The following DCTN1 variants were observed in gnomAD, a reference collection of about 807,000 sequenced individuals.
DCTN1 encodes the protein 150 kDa dynein-associated polypeptide.
Under a neutral mutation model 161.2 loss-of-function variants are expected in DCTN1, and 61 were observed. That is an observed-to-expected ratio of 0.38 (90% CI 0.31 to 0.47). DCTN1 has a LOEUF of 0.47. DCTN1 is among the 20% of genes least tolerant of loss of function. The pLI is 0.99. For missense variants in DCTN1, 1,404 were observed against 1,623.7 expected (o/e 0.86, Z 2.33); for synonymous variants, 653 against 632.4 (o/e 1.03, Z -0.49).
chr2:74,365,363 T>C, intron 25 of DCTN1, 122 bp from the exon 26 acceptor site: 1 of 1,554,092 alleles, frequency 6.4e-7, no homozygotes, highest in Non-Finnish European at 8.8e-7. Flanking sequence ...CAGCACAGGC[T>C]TAGGCTGGGG....
At chr2:74,361,734 T>C (rs1260130359) in intron 31 of DCTN1, 98 bp from the exon 32 acceptor site, 2 of 1,506,076 alleles carry the variant, frequency 1.3e-6, no homozygotes, top group Non-Finnish European at 1.8e-6. Flanking sequence ...AGGCAGCTCC[T>C]GGGTGACTAG....
chr2:74,381,227 G>A (rs1025136651), upstream of DCTN1, among the ~76,000 whole-genome samples: 5 of 152,150 alleles, frequency 3.3e-5, 1 homozygote, highest in Non-Finnish European at 7.3e-5. Flanking sequence ...AAAGACCAGG[G>A]TCCCTGCCCC....
intron 16 of DCTN1, 162 bp from the exon 17 acceptor site, chr2:74,368,293 A>G: frequency 1.1e-6 from 1 of 936,728 alleles, no homozygotes; most frequent in South Asian, 1.6e-5. Flanking sequence ...GCATGGGGAA[A>G]GGGTAGTGAT....
In DCTN1 at chr2:74,361,331, C is replaced by T. The variant is rs764549033; in HGVS notation, c.*168G>A. On this transcript the variant is annotated 3_prime_UTR_variant, in exon 32 of 32. Coordinates refer to ENST00000628224, the MANE Select transcript of DCTN1 (RefSeq NM_004082.5). ...GCCAGGGAATGGGAGTGGGGGAACC[C>T]GGGTCAAGGTGAAGGGGCAGGACGC... The T allele has an allele frequency of 3.1e-6, 3 of 958,944 alleles. No individual in the cohort carries two copies. Among genetic ancestry groups the T allele is most frequent in the South Asian group, 1.4e-5 (1 of 71,872 alleles). 59.4% of individuals were successfully genotyped at this position (958,944 alleles called of 1,614,324 possible).
intron 31 of DCTN1, 108 bp from the exon 32 acceptor site, chr2:74,361,744 G>C: frequency 1.4e-6 from 2 of 1,392,728 alleles, no homozygotes; most frequent in African/African-American, 2.8e-5. Flanking sequence ...TGGGTGACTA[G>C]GGCTTCTGAG....
Position 74,369,122 on chromosome 2 carries a change from A to T in DCTN1, c.1677T>A (p.Phe559Leu), listed in dbSNP as rs1466482197. Residue 559 changes from phenylalanine (F) to leucine (L), a missense_variant, in exon 15 of 32, where the codon TTT becomes TTA. By Grantham distance (22) the Phe-to-Leu change is conservative (BLOSUM62 0). Transcript: ENST00000628224. The surrounding 1 kb of genome is among the most constrained non-coding windows in gnomAD (Gnocchi z 4.9). Reference protein sequence around the residue: ...PPETFDFKIKFAETKAHAKAI... With the variant: ...PPETFDFKIKLAETKAHAKAI... Reference sequence around the variant, plus strand: ...CCTTGGCATGGGCCTTAGTCTCAGCAAACTTGATTTTGAAGTCAAAGGTCT... The same window carrying T: ...CCTTGGCATGGGCCTTAGTCTCAGCTAACTTGATTTTGAAGTCAAAGGTCT... 6.2e-7 allele frequency: 1 copy of T among 1,614,110 alleles called. No individual in the cohort carries two copies. Among genetic ancestry groups the T allele is most frequent in the Non-Finnish European group, 8.5e-7 (1 of 1,180,036 alleles).
Position 74,377,707 on chromosome 2 carries a change from C to T in DCTN1, c.299G>A (p.Gly100Glu). ...TGTCTCTGGGGAAGTAGTATCTGCTCCATCTTCAAATACCTGGATCTGAGG... is the reference window on the plus strand; with the variant it reads ...TGTCTCTGGGGAAGTAGTATCTGCTTCATCTTCAAATACCTGGATCTGAGG... ...RQSQIQVFED[G>E]ADTTSPETPD... Residue 100 changes from glycine (G) to glutamate (E), a missense_variant, in exon 3 of 32, where the codon GGA (glycine) becomes GAA (glutamate). This residue lies in a region of DCTN1 where 174 missense variants were observed against 175.6 expected (regional missense o/e 0.99). Transcript: ENST00000628224. 6.2e-7 allele frequency: 1 copy of T among 1,613,896 alleles called. No individual in the cohort carries two copies. The highest frequency in any genetic ancestry group is 1.3e-5 in the African/African-American group (1 of 74,964).
rs58901202 is a variant in DCTN1, at chr2:74,369,816, G to GAA, written c.1392+147_1392+148dup. 19,595 of 477,704 alleles carry GAA rather than the reference G, an allele frequency of 0.041. 5 individuals carry two copies. Among genetic ancestry groups the GAA allele is most frequent in the South Asian group, 0.062 (2,717 of 44,080 alleles). 29.6% of individuals were successfully genotyped at this position (477,704 alleles called of 1,614,324 possible). A position where few individuals can be genotyped will look rare whatever the true frequency, so the allele number is the denominator to read the frequency against. On this transcript the variant is annotated intron_variant, in intron 13 of 31. Transcript: ENST00000628224. This position sits in a 1 kb window ranked among gnomAD's most constrained non-coding sequence, Gnocchi z 4.9. ...GGCAACAGAGCGAGATTCCATCTCA[G>GAA]AAAAAAAAAAAAAAAAAAAAGGCAG...
At chr2:74,373,347 C>A (rs1159285063) in intron 6 of DCTN1, 3 of 327,566 alleles carry the variant, frequency 9.2e-6, no homozygotes, top group African/African-American at 6.4e-5. Context: ...GCCCAGCCAC[C>A]ACTCCCAAGG....
Position 74,368,709 on chromosome 2 carries a change from T to C in DCTN1, c.1854+19A>G. 6 of 1,614,224 alleles carry C rather than the reference T, an allele frequency of 3.7e-6. No homozygotes were observed. Among genetic ancestry groups the C allele is most frequent in the East Asian group, 2.2e-5 (1 of 44,882 alleles). ...AAGTTCACTAGATTTCTGTGGAACA[T>C]GTGATTGATTGGCCATACCTTGCAA... is the stretch of plus-strand genomic sequence containing the variant. On this transcript the variant is annotated intron_variant, in intron 16 of 31. Transcript: ENST00000628224.
chr2:74,383,031 C>T (rs1040513273), upstream of DCTN1, among the ~76,000 whole-genome samples: 25 of 151,146 alleles, frequency 1.7e-4, no homozygotes, highest in Non-Finnish European at 3.2e-4. Context: ...GCCGAGATTG[C>T]GCCACTGCAG....
Position 74,361,370 on chromosome 2 carries a change from G to C in DCTN1, c.*129C>G. On this transcript the variant is annotated 3_prime_UTR_variant, in exon 32 of 32. Coordinates refer to ENST00000628224, the MANE Select transcript of DCTN1 (RefSeq NM_004082.5). ...GGGGCAGGACGCTGAAAGGGTGGGA[G>C]TGAAGCTGAACGGGGCAGGAAGAGC... The C allele has an allele frequency of 7.5e-7, 1 of 1,332,772 alleles. No individual in the cohort carries two copies. The highest frequency in any genetic ancestry group is 1.2e-5 in the South Asian group (1 of 80,738). 82.6% of individuals were successfully genotyped at this position (1,332,772 alleles called of 1,614,324 possible).
upstream of DCTN1, among the ~76,000 whole-genome samples, chr2:74,382,794 C>T (rs116241113): frequency 0.011 from 1,663 of 152,066 alleles, 34 homozygotes; most frequent in African/African-American, 0.038. Context: ...ATGTGGAGGC[C>T]GGGCGCGGTG....
chr2:74,361,610 T>G lies in DCTN1; in HGVS notation c.3726A>C (p.Thr1242=). The stretch of plus-strand genomic sequence containing the variant: ...AGAAGGTCACTTTGCCCATGTAGAC[T>G]GTGTCATCCTGCTGCTCCTCCTTGG... ...LRAKEEQQDD[T]VYMGKVTFSC... is the part of the protein sequence containing the mutation. Residue 1242 remains threonine (T), a synonymous_variant, in exon 32 of 32, where the codon ACA becomes ACC. Transcript: ENST00000628224. 1 of 1,614,124 alleles carries G rather than the reference T, an allele frequency of 6.2e-7. No individual in the cohort carries two copies. Among genetic ancestry groups the G allele is most frequent in the Non-Finnish European group, 8.5e-7 (1 of 1,180,008 alleles).
At chr2:74,376,377 C>G (rs1444193167) in intron 5 of DCTN1, among the ~76,000 whole-genome samples, 1 of 152,236 alleles carries the variant, frequency 6.6e-6, no homozygotes, top group African/African-American at 2.4e-5. Context: ...CCCATTCCCC[C>G]AGTCTATCCT....
In DCTN1 at chr2:74,369,535, G is replaced by A. The variant is rs757349727; in HGVS notation, c.1393-44C>T. The A allele has an allele frequency of 6.3e-6, 10 of 1,595,702 alleles. No individual in the cohort carries two copies. Among genetic ancestry groups the A allele is most frequent in the Non-Finnish European group, 7.7e-6 (9 of 1,172,878 alleles). ...GTTTGGGCTAAAGAAAGGCAGGGTC[G>A]GCCAGCGGCGGTGGTTCACACCTGT... is the stretch of plus-strand genomic sequence containing the variant. On this transcript the variant is annotated intron_variant, in intron 13 of 31. Transcript: ENST00000628224. The surrounding 1 kb of genome is among the most constrained non-coding windows in gnomAD (Gnocchi z 4.9).
chr2:74,376,723 CA>C lies in DCTN1; in HGVS notation c.414+18del. ...CTCATGGCCCCCATCCACCCAGGCA[CA>C]AATAGTAAACACACCACCTTCTTAG... On this transcript the variant is annotated intron_variant, in intron 5 of 31. Coordinates refer to ENST00000628224, the MANE Select transcript of DCTN1 (RefSeq NM_004082.5). The C allele has an allele frequency of 1.9e-6, 3 of 1,601,636 alleles. No individual in the cohort carries two copies. In the East Asian group the frequency reaches 6.7e-5, roughly 36 times the overall value.
At chr2:74,382,070 C>T (rs1675533819), upstream of DCTN1, among the ~76,000 whole-genome samples, 1 of 152,120 alleles carries the variant, frequency 6.6e-6, no homozygotes, top group Admixed American at 6.5e-5. Context: ...TTCTACTACC[C>T]CTCACCATTA....
At chr2:74,377,927 G>GT in intron 2 of DCTN1, 73 bp downstream of exon 2, 1 of 1,601,048 alleles carries the variant, frequency 6.2e-7, no homozygotes, top group South Asian at 1.1e-5. Flanking sequence ...GGAAAACGAA[G>GT]TACCAACACA....
Sources: gnomAD v4.1 joint callset for allele counts (sites outside exome capture counted in the v4.1 genomes callset) on GRCh38, gnomAD v4.1.1 for gene constraint, gnomAD v4.1.1 regional missense constraint, Gnocchi (gnomAD v3.1) non-coding constraint, MANE v1.5 for transcripts, NCBI Gene and HGNC (gene_info 2026-07-23, HGNC 2026-07-21) for gene names.